DGKB: variants seen among roughly 807,000 people sequenced by gnomAD.
The protein encoded by DGKB is 90 kDa diacylglycerol kinase.
A neutral mutation model predicts 114.3 loss-of-function variants in DGKB; 67 were observed. The ratio of observed to expected loss-of-function variants is 0.59; its 90% confidence interval spans 0.48 to 0.72. The LOEUF (loss-of-function observed/expected upper bound fraction) is 0.72. Ranked by LOEUF, DGKB falls within the 30% of genes least tolerant of loss-of-function variation. DGKB has a pLI of 0.00. For missense variants in DGKB, 907 were observed against 975.2 expected (o/e 0.93, Z 0.93); for synonymous variants, 398 against 323.1 (o/e 1.23, Z -2.49).
At chr7:14,531,082 G>C (rs1367251648) in intron 20 of DGKB, among the ~76,000 whole-genome samples, 3 of 151,470 alleles carry the variant, frequency 2.0e-5, no homozygotes, top group African/African-American at 7.2e-5. Flanking sequence ...AGTGCAGCTT[G>C]TTTCTCCAAA....
intron 1 of DGKB, among the ~76,000 whole-genome samples, chr7:14,966,324 T>C (rs1787146636): frequency 6.6e-6 from 1 of 152,038 alleles, no homozygotes; most frequent in Non-Finnish European, 1.5e-5. Context: ...ACTTACTAAA[T>C]AATTTTTAAT....
intron 12 of DGKB, among the ~76,000 whole-genome samples, chr7:14,679,218 T>C (rs928870512): frequency 3.6e-5 from 5 of 137,002 alleles, no homozygotes; most frequent in Non-Finnish European, 6.2e-5. Context: ...TGCACCCAAA[T>C]GTATTTATGT....
chr7:14,732,431 T>G (rs1831060044), intron 5 of DGKB, among the ~76,000 whole-genome samples: 2 of 152,132 alleles, frequency 1.3e-5, no homozygotes, highest in African/African-American at 4.8e-5. Context: ...CAAAGCAAGA[T>G]TCTATGAATG....
intron 2 of DGKB, among the ~76,000 whole-genome samples, chr7:14,779,839 T>A (rs1046306501): frequency 2.0e-5 from 3 of 152,212 alleles, no homozygotes; most frequent in Non-Finnish European, 2.9e-5. Flanking sequence ...ACTTTATTTG[T>A]TAATTCTTCA....
At chr7:14,674,506 T>C (rs1819529244) in intron 12 of DGKB, among the ~76,000 whole-genome samples, 1 of 152,176 alleles carries the variant, frequency 6.6e-6, no homozygotes, top group Non-Finnish European at 1.5e-5. Context: ...GATTTAGAGT[T>C]AACAGATTAG....
intron 23 of DGKB, among the ~76,000 whole-genome samples, chr7:14,290,670 A>G (rs1034922320): frequency 6.6e-6 from 1 of 152,168 alleles, no homozygotes; most frequent in Non-Finnish European, 1.5e-5. Context: ...TACTCTTCAC[A>G]TGCTATTAGG....
chr7:14,176,463 T>C, intron 25 of DGKB: 1 of 993,442 alleles, frequency 1.0e-6, no homozygotes, highest in Non-Finnish European at 1.2e-6. Context: ...ACATATAAGC[T>C]TAGGTCTGCA....
chr7:14,624,005 T>C (rs983703395), intron 14 of DGKB, among the ~76,000 whole-genome samples: 4 of 152,178 alleles, frequency 2.6e-5, no homozygotes, highest in African/African-American at 9.7e-5. Context: ...ATATTGTCAC[T>C]ACATTAAAGT....
rs1284555765 is a variant in DGKB, at chr7:14,576,194, T to C, written c.1610-1822A>G. Reference sequence around the variant, plus strand: ...TAAAAAGCTATCATATATTTTACAGTATAATTTGAAGCTGTTAAGTATTAA... The same window carrying C: ...TAAAAAGCTATCATATATTTTACAGCATAATTTGAAGCTGTTAAGTATTAA... On this transcript the variant is annotated intron_variant, in intron 19 of 25. Transcript: ENST00000402815. Among the ~76,000 whole-genome samples, 4 of 152,156 alleles carry C rather than the reference T, an allele frequency of 2.6e-5. No homozygotes were observed. The East Asian group carries it at 5.8e-4, about 22-fold the overall frequency.
chr7:14,350,985 T>A (rs1302448979), intron 21 of DGKB, among the ~76,000 whole-genome samples: 1 of 152,168 alleles, frequency 6.6e-6, no homozygotes, highest in Non-Finnish European at 1.5e-5. Flanking sequence ...TAAAATAATT[T>A]TCTCATGGAG....
chr7:14,181,844 C>G (rs1782678146), intron 23 of DGKB, among the ~76,000 whole-genome samples: 1 of 152,142 alleles, frequency 6.6e-6, no homozygotes, highest in South Asian at 2.1e-4. Flanking sequence ...TTTTAAATAC[C>G]TCCATGGGAG....
At chr7:14,266,998 G>A (rs1278392631) in intron 23 of DGKB, among the ~76,000 whole-genome samples, 1 of 99,876 alleles carries the variant, frequency 1.0e-5, no homozygotes, top group African/African-American at 6.4e-5. Flanking sequence ...TATAGATAAT[G>A]AACAAGTTGG....
intron 20 of DGKB, among the ~76,000 whole-genome samples, chr7:14,508,594 A>G (rs1787479224): frequency 6.6e-6 from 1 of 152,188 alleles, no homozygotes; most frequent in Non-Finnish European, 1.5e-5. Context: ...CTTAGCAACT[A>G]CTGTAAAAGG....
intron 1 of DGKB, among the ~76,000 whole-genome samples, chr7:14,897,184 C>T (rs2128232992): frequency 1.3e-5 from 2 of 151,882 alleles, no homozygotes; most frequent in East Asian, 1.9e-4. Context: ...TTGGAAAGCC[C>T]TACGTGTTAT....
At chr7:14,666,179 C>T (rs750606965) in intron 13 of DGKB, among the ~76,000 whole-genome samples, 8 of 151,892 alleles carry the variant, frequency 5.3e-5, no homozygotes, top group Non-Finnish European at 1.2e-4. Flanking sequence ...TCATGATAAA[C>T]AGAACTGAGA....
At chr7:14,938,876 T>G (rs1277794678) in intron 1 of DGKB, among the ~76,000 whole-genome samples, 2 of 152,076 alleles carry the variant, frequency 1.3e-5, no homozygotes, top group Non-Finnish European at 2.9e-5. Context: ...CAAATCCTGG[T>G]CCTACCATGT....
At chr7:14,554,726 T>G (rs1474321505) in intron 20 of DGKB, among the ~76,000 whole-genome samples, 1 of 152,160 alleles carries the variant, frequency 6.6e-6, no homozygotes, top group African/African-American at 2.4e-5. Context: ...CTTTGTAATT[T>G]TGAACAATTT....
chr7:14,332,961 C>T lies in DGKB; in HGVS notation c.2122+5554G>A, dbSNP rs539144583. ...GTTTCAAGCAGAAAGTCCAGCTGCT[C>T]CCTTAGCTTCTGGCAAATGTTTGAA... is the stretch of plus-strand genomic sequence containing the variant. On this transcript the variant is annotated intron_variant, in intron 23 of 25. Transcript: ENST00000402815. Among the ~76,000 whole-genome samples, 7 of 152,256 alleles carry T rather than the reference C, an allele frequency of 4.6e-5. No individual in the cohort carries two copies. In the South Asian group the frequency reaches 1.5e-3, roughly 32 times the overall value.
intron 2 of DGKB, among the ~76,000 whole-genome samples, chr7:14,790,249 T>C (rs1473855640): frequency 3.3e-5 from 5 of 152,232 alleles, no homozygotes; most frequent in Admixed American, 6.5e-5. Flanking sequence ...ACCTTTTTCT[T>C]CATTTCTCTT....
Sources: gnomAD v4.1 joint callset for allele counts (sites outside exome capture counted in the v4.1 genomes callset) on GRCh38, gnomAD v4.1.1 for gene constraint, MANE v1.5 for transcripts, NCBI Gene and HGNC (gene_info 2026-07-23, HGNC 2026-07-21) for gene names.